Variants in NBEA observed in about 807,000 individuals in gnomAD.
The protein encoded by NBEA is neurobeachin.
In NBEA, 44 loss-of-function variants were observed where a neutral mutation model predicts 343.4. The observed-to-expected ratio is 0.13, with a 90% CI of 0.10 to 0.16. The LOEUF is 0.16. NBEA is among the 10% of genes least tolerant of loss of function. The pLI, the probability that NBEA is intolerant of heterozygous loss-of-function variation, is 1.00. For missense variants in NBEA, 2,555 were observed against 3,631.3 expected, an observed-to-expected ratio of 0.70 and a Z score of 7.62; for synonymous variants, 1,175 against 1,238.7, an observed-to-expected ratio of 0.95 and a Z score of 1.08.
intron 36 of NBEA, among the ~76,000 whole-genome samples, chr13:35,317,004 A>G (rs1485679808): frequency 4.0e-5 from 6 of 151,796 alleles, no homozygotes; most frequent in East Asian, 1.9e-4. Context: ...TAGATTCTGG[A>G]TATTAGCTCT....
intron 33 of NBEA, 130 bp downstream of exon 33, chr13:35,211,309 C>A: frequency 1.2e-6 from 1 of 830,564 alleles, no homozygotes; most frequent in South Asian, 2.0e-5. Context: ...TTTCACAATT[C>A]TGATATTTTT....
intron 17 of NBEA, among the ~76,000 whole-genome samples, chr13:35,125,063 A>T (rs2067044462): frequency 6.6e-6 from 1 of 152,166 alleles, no homozygotes; most frequent in Non-Finnish European, 1.5e-5. Flanking sequence ...ATACAAAATT[A>T]AAAATAACAA....
chr13:35,636,945 C>T (rs2083716970), intron 49 of NBEA, among the ~76,000 whole-genome samples: 1 of 152,224 alleles, frequency 6.6e-6, no homozygotes, highest in African/African-American at 2.4e-5. Flanking sequence ...TGAGACTCTA[C>T]AGCCTTTCCT....
intron 34 of NBEA, among the ~76,000 whole-genome samples, chr13:35,240,374 A>T (rs539881889): frequency 2.0e-5 from 3 of 151,980 alleles, no homozygotes; most frequent in Admixed American, 6.6e-5. Flanking sequence ...AATTTAATAG[A>T]TCTAAGCTTC....
intron 10 of NBEA, among the ~76,000 whole-genome samples, chr13:35,086,994 A>AT (rs564086973): frequency 0.03 from 4,361 of 147,394 alleles, 79 homozygotes; most frequent in Non-Finnish European, 0.045. Flanking sequence ...TAATGGGGTT[A>AT]TTTTTTTTTT....
intron 41 of NBEA, 104 bp downstream of exon 41, chr13:35,472,640 TC>T: frequency 9.1e-7 from 1 of 1,098,352 alleles, no homozygotes; most frequent in East Asian, 2.4e-5. Context: ...GAGCACATTC[TC>T]CTCTTTCTCA....
At chr13:35,529,605 G>T (rs1447436368) in intron 41 of NBEA, among the ~76,000 whole-genome samples, 1 of 152,162 alleles carries the variant, frequency 6.6e-6, no homozygotes, top group Non-Finnish European at 1.5e-5. Context: ...CATGTAAATA[G>T]AACAGAGTCA....
intron 1 of NBEA, among the ~76,000 whole-genome samples, chr13:35,004,868 T>C (rs552910581): frequency 6.6e-6 from 1 of 152,318 alleles, no homozygotes; most frequent in East Asian, 1.9e-4. Flanking sequence ...ATTTCCAAAG[T>C]AGACATAATG....
At chr13:35,211,004 T>G in intron 32 of NBEA, 49 bp from the exon 33 acceptor site, 2 of 1,522,224 alleles carry the variant, frequency 1.3e-6, no homozygotes, top group South Asian at 2.5e-5. Context: ...ATTAAAATTT[T>G]TTTAAATAAA....
chr13:35,201,398 TGATA>T (rs1466254940), intron 31 of NBEA, among the ~76,000 whole-genome samples: 8 of 152,122 alleles, frequency 5.3e-5, no homozygotes, highest in Non-Finnish European at 1.0e-4. Flanking sequence ...TAAGGAAGCA[TGATA>T]GATAACATCA....
chr13:35,390,675 A>C (rs940704120), intron 38 of NBEA, among the ~76,000 whole-genome samples: 2 of 152,200 alleles, frequency 1.3e-5, no homozygotes, highest in African/African-American at 4.8e-5. Context: ...GAAAACAAAA[A>C]TCAGCTAGTA....
chr13:35,509,368 A>G (rs886258241), intron 41 of NBEA, among the ~76,000 whole-genome samples: 1 of 152,156 alleles, frequency 6.6e-6, no homozygotes, highest in Non-Finnish European at 1.5e-5. Flanking sequence ...GCAGGTGTGT[A>G]GAGTCAGAGA....
intron 38 of NBEA, among the ~76,000 whole-genome samples, chr13:35,380,836 TG>T (rs1252532578): frequency 1.3e-5 from 2 of 152,176 alleles, no homozygotes. Context: ...ATCCTTGTCT[TG>T]CTTCTAATGA....
At chr13:35,179,204 CAG>C (rs898942963) in intron 28 of NBEA, among the ~76,000 whole-genome samples, 4 of 151,496 alleles carry the variant, frequency 2.6e-5, no homozygotes, top group African/African-American at 9.7e-5. Flanking sequence ...TGTGTGGTCT[CAG>C]TGTTTCTGAG....
chr13:35,281,658 A>G (rs778019680), intron 34 of NBEA, among the ~76,000 whole-genome samples: 30 of 152,204 alleles, frequency 2.0e-4, no homozygotes, highest in South Asian at 1.5e-3. Context: ...TCCATTTTAC[A>G]TGATATATTA....
At chr13:35,208,652 C>T (rs2152750806) in intron 31 of NBEA, 48 bp from the exon 32 acceptor site, 2 of 1,453,440 alleles carry the variant, frequency 1.4e-6, no homozygotes, top group East Asian at 2.4e-5. Context: ...GATTATAATT[C>T]ATCTTCAACC....
intron 49 of NBEA, among the ~76,000 whole-genome samples, chr13:35,636,391 G>T (rs991371703): frequency 6.6e-6 from 1 of 152,048 alleles, no homozygotes; most frequent in African/African-American, 2.4e-5. Context: ...TGCTGAATAC[G>T]TCCAATAATA....
intron 17 of NBEA, among the ~76,000 whole-genome samples, chr13:35,135,992 C>G (rs1162553410): frequency 6.6e-6 from 1 of 151,512 alleles, no homozygotes; most frequent in Non-Finnish European, 1.5e-5. Context: ...ACTTCCAGAT[C>G]AAGTTGATAA....
At position 35,058,768 on chromosome 13, in the gene NBEA, G is replaced by A. The variant is rs1258161580; in HGVS notation, c.1144G>A (p.Val382Ile). 1.9e-6 allele frequency: 3 copies of A among 1,596,902 alleles called. No homozygotes were observed. Among genetic ancestry groups the A allele is most frequent in the South Asian group, 1.1e-5 (1 of 88,678 alleles). ...ATCAGAAACTGCTGATGCAAATAGG[G>A]TATTCTGTGGTCAACTTGGTGCCGT... ...GSSETADANR[V>I]FCGQLGAVYV... The change falls in exon 8 of 59, where the codon GTA (valine) becomes ATA (isoleucine). Residue 382 changes from valine to isoleucine, a missense_variant. This residue lies in a region of NBEA where 75 missense variants were observed against 237.4 expected (regional missense o/e 0.32). Coordinates refer to ENST00000379939, the MANE Select transcript of NBEA (RefSeq NM_001385012.1).
Sources: gnomAD v4.1 joint callset for allele counts (sites outside exome capture counted in the v4.1 genomes callset) on GRCh38, gnomAD v4.1.1 for gene constraint, gnomAD v4.1.1 regional missense constraint, MANE v1.5 for transcripts, NCBI Gene and HGNC (gene_info 2026-07-23, HGNC 2026-07-21) for gene names.